Variants in SOX5 observed in about 807,000 individuals in gnomAD.
The protein encoded by SOX5 is SRY-box transcription factor 5.
Under a neutral mutation model 92.0 loss-of-function variants are expected in SOX5, and 9 were observed. The observed-to-expected ratio is 0.10, with a 90% CI of 0.06 to 0.17. The LOEUF (loss-of-function observed/expected upper bound fraction) is 0.17, where lower values mean the gene tolerates loss of function less well. Ranked by LOEUF, SOX5 falls within the 10% of genes least tolerant of loss-of-function variation. SOX5 has a pLI of 1.00. For synonymous variants in SOX5, 344 were observed against 336.3 expected (o/e 1.02, Z -0.25); for missense variants, 642 against 944.5 (o/e 0.68, Z 4.20).
chr12:23,994,466 T>A (rs1950854064), intron 4 of SOX5, among the ~76,000 whole-genome samples: 1 of 152,204 alleles, frequency 6.6e-6, no homozygotes, highest in Non-Finnish European at 1.5e-5. Flanking sequence ...GATACAGATA[T>A]CTACATCAAT....
chr12:24,078,459 G>A (rs1020897900), intron 4 of SOX5, among the ~76,000 whole-genome samples: 1 of 152,120 alleles, frequency 6.6e-6, no homozygotes, highest in South Asian at 2.1e-4. Context: ...CTATTGGAGT[G>A]AGAGAGATAA....
At chr12:24,067,466 G>T (rs565822904) in intron 4 of SOX5, among the ~76,000 whole-genome samples, 1 of 152,054 alleles carries the variant, frequency 6.6e-6, no homozygotes, top group South Asian at 2.1e-4. Flanking sequence ...ATCCTTTGTC[G>T]GTGGGTAGCA....
intron 1 of SOX5, among the ~76,000 whole-genome samples, chr12:24,554,083 G>A (rs932009792): frequency 7.9e-5 from 12 of 152,326 alleles, no homozygotes; most frequent in African/African-American, 2.9e-4. Flanking sequence ...AGACACATAT[G>A]AAAGAATGCC....
In SOX5 at chr12:23,957,610, A is replaced by G. The variant is rs76496069; in HGVS notation, c.-1-61586T>C. 2.9e-3 allele frequency among the ~76,000 whole-genome samples: 449 copies of G among 152,338 alleles called. 2 individuals carry two copies. Among genetic ancestry groups the G allele is most frequent in the Middle Eastern group, 6.8e-3 (2 of 294 alleles). On this transcript the variant is annotated intron_variant, in intron 4 of 4. Coordinates refer to the SOX5 transcript ENST00000446891. ...CCTGACAGGCAAACTGTGTTCAAGA[A>G]AACCTAGTTGTTATAATGCATTGTG...
At chr12:24,220,913 T>C (rs771977301) in intron 3 of SOX5, among the ~76,000 whole-genome samples, 3 of 152,204 alleles carry the variant, frequency 2.0e-5, no homozygotes, top group Non-Finnish European at 4.4e-5. Context: ...GAAGAAAACA[T>C]GTATTGACTT....
At position 23,532,707 on chromosome 12, in the gene SOX5, T is replaced by C. The variant is rs1485219701; in HGVS notation, c.*1512A>G. 2 of 152,374 alleles carry C rather than the reference T, an allele frequency of 1.3e-5. No individual in the cohort carries two copies. The highest frequency in any genetic ancestry group is 2.4e-5 in the African/African-American group (1 of 41,462). 9.4% of individuals were successfully genotyped at this position (152,374 alleles called of 1,614,324 possible). A position where few individuals can be genotyped will look rare whatever the true frequency, so the allele number is the denominator to read the frequency against. On this transcript the variant is annotated 3_prime_UTR_variant, in exon 15 of 15. Coordinates refer to ENST00000451604, the MANE Select transcript of SOX5 (RefSeq NM_006940.6). ...ACTTTTAATTAAATCCTACTTTTTA[T>C]GGCATGAACTACATATGGCCCACAC...
intron 2 of SOX5, among the ~76,000 whole-genome samples, chr12:24,332,421 A>G (rs991941000): frequency 6.6e-6 from 1 of 152,210 alleles, no homozygotes; most frequent in Non-Finnish European, 1.5e-5. Context: ...AATATCTGAG[A>G]AGGTTTAAAT....
intron 13 of SOX5, among the ~76,000 whole-genome samples, chr12:23,540,273 G>A (rs1005170273): frequency 6.6e-6 from 1 of 151,244 alleles, no homozygotes; most frequent in Non-Finnish European, 1.5e-5. Flanking sequence ...GCTAAATGAC[G>A]AGTTAATGGG....
intron 1 of SOX5, among the ~76,000 whole-genome samples, chr12:23,906,030 A>G (rs956797176): frequency 1.3e-5 from 2 of 152,210 alleles, no homozygotes; most frequent in African/African-American, 4.8e-5. Context: ...AATGATTAAG[A>G]CTTTTAAGTA....
intron 4 of SOX5, among the ~76,000 whole-genome samples, chr12:24,096,477 C>CA (rs1271562526): frequency 3.9e-5 from 6 of 152,092 alleles, no homozygotes; most frequent in Non-Finnish European, 8.8e-5. Flanking sequence ...TCCCTGAGCC[C>CA]AAAAACCACC....
chr12:24,295,124 GTA>G (rs1947057068), intron 2 of SOX5, among the ~76,000 whole-genome samples: 2 of 151,496 alleles, frequency 1.3e-5, no homozygotes, highest in South Asian at 2.1e-4. Flanking sequence ...ATTTTTATAA[GTA>G]TATATGAGTA....
chr12:24,156,585 A>G (rs1952195095), intron 4 of SOX5, among the ~76,000 whole-genome samples: 1 of 152,164 alleles, frequency 6.6e-6, no homozygotes, highest in African/African-American at 2.4e-5. Context: ...ATGTATTAAA[A>G]CAGCTGTACC....
At chr12:24,093,821 T>C (rs908901735) in intron 4 of SOX5, among the ~76,000 whole-genome samples, 1 of 152,138 alleles carries the variant, frequency 6.6e-6, no homozygotes, top group African/African-American at 2.4e-5. Context: ...TCCCAAATGG[T>C]TGTACCAGTT....
At chr12:23,789,061 G>T (rs1428334967) in intron 3 of SOX5, among the ~76,000 whole-genome samples, 2 of 151,846 alleles carry the variant, frequency 1.3e-5, no homozygotes, top group Non-Finnish European at 2.9e-5. Context: ...CAAAACATAA[G>T]TATAAATCAT....
At chr12:24,002,450 A>T (rs867771527) in intron 4 of SOX5, among the ~76,000 whole-genome samples, 1 of 152,174 alleles carries the variant, frequency 6.6e-6, no homozygotes, top group African/African-American at 2.4e-5. Context: ...ATGCTAACAA[A>T]TTAGACAATT....
intron 4 of SOX5, among the ~76,000 whole-genome samples, chr12:24,161,014 A>C (rs1252469091): frequency 6.6e-6 from 1 of 152,060 alleles, no homozygotes; most frequent in Non-Finnish European, 1.5e-5. Flanking sequence ...CTCACTTTGC[A>C]GCTGAGCAAA....
chr12:23,806,684 A>G (rs2142301371), intron 3 of SOX5, among the ~76,000 whole-genome samples: 1 of 152,014 alleles, frequency 6.6e-6, no homozygotes, highest in Non-Finnish European at 1.5e-5. Flanking sequence ...GGATTTATTA[A>G]GTTGCAGTCG....
intron 4 of SOX5, among the ~76,000 whole-genome samples, chr12:24,095,128 C>CACACACACAGAGAGAGAGAGAGAGAGAG (rs1345578614): frequency 1.1e-5 from 1 of 90,214 alleles, no homozygotes; most frequent in African/African-American, 4.5e-5. Context: ...CACACACACA[C>CACACACACAGAGAGAGAGAGAGAGAGAG]AGAGAGAGAG....
intron 4 of SOX5, among the ~76,000 whole-genome samples, chr12:23,743,779 C>G (rs774674416): frequency 6.6e-6 from 1 of 152,062 alleles, no homozygotes; most frequent in South Asian, 2.1e-4. Flanking sequence ...TTTCACATTC[C>G]GTGAATACTG....
Sources: allele counts gnomAD v4.1 joint callset (sites outside exome capture counted in the v4.1 genomes callset), GRCh38; gene constraint gnomAD v4.1.1; transcripts MANE v1.5; gene names NCBI Gene and HGNC (gene_info 2026-07-23, HGNC 2026-07-21).